Variants in MICAL2 observed in about 807,000 individuals in gnomAD.
MICAL2 encodes the protein microtubule associated monooxygenase, calponin and LIM domain containing 2.
MICAL2 carries 77 observed loss-of-function variants against 127.3 expected under a neutral mutation model. That is an observed-to-expected ratio of 0.60 (90% CI 0.50 to 0.73). MICAL2 has a LOEUF of 0.73. Ranked by LOEUF, MICAL2 falls within the 30% of genes least tolerant of loss-of-function variation. The pLI, the probability that MICAL2 is intolerant of heterozygous loss-of-function variation, is 0.00. For missense variants in MICAL2, 1,351 were observed against 1,434.4 expected, an observed-to-expected ratio of 0.94 and a Z score of 0.94; for synonymous variants, 570 against 551.1, an observed-to-expected ratio of 1.03 and a Z score of -0.48.
At position 12,307,429 on chromosome 11, in the gene MICAL2, C is replaced by T. The variant is rs188704400; in HGVS notation, c.5213-12267C>T. Among the ~76,000 whole-genome samples, 24 of 152,236 alleles carry T rather than the reference C, an allele frequency of 1.6e-4. No homozygotes were observed. In the East Asian group the frequency reaches 3.9e-3, roughly 24 times the overall value. ...TTTCAAAGAGCAGAACTTTTTAATA[C>T]GATGAAGTCAAATTTATTGATTTTT... On this transcript the variant is annotated intron_variant, in intron 29 of 34. Transcript: ENST00000646065.
chr11:12,313,090 C>G (rs558373956), intron 29 of MICAL2, among the ~76,000 whole-genome samples: 69 of 136,652 alleles, frequency 5.0e-4, no homozygotes, highest in African/African-American at 1.9e-3. Context: ...ATGGCGTGAA[C>G]CGGAGAGGCG....
intron 8 of MICAL2, among the ~76,000 whole-genome samples, chr11:12,217,474 A>G (rs1353609821): frequency 6.6e-6 from 1 of 152,062 alleles, no homozygotes; most frequent in Non-Finnish European, 1.5e-5. Context: ...GCAGTGTCCC[A>G]CTGCTGACTG....
intron 8 of MICAL2, among the ~76,000 whole-genome samples, chr11:12,216,556 G>A (rs1009702663): frequency 2.6e-5 from 4 of 152,188 alleles, no homozygotes; most frequent in Admixed American, 2.6e-4. Context: ...ACCTTTACCA[G>A]GTGTTAATGT....
At chr11:12,265,587 CAAA>C (rs1383924865), downstream of MICAL2, among the ~76,000 whole-genome samples, 3 of 151,976 alleles carry the variant, frequency 2.0e-5, no homozygotes, top group Non-Finnish European at 4.4e-5. Flanking sequence ...AATGTAATAA[CAAA>C]GAAGTTCATT....
chr11:12,226,086 G>A, intron 13 of MICAL2, 85 bp from the exon 14 acceptor site: 1 of 1,331,882 alleles, frequency 7.5e-7, no homozygotes, highest in Non-Finnish European at 1.1e-6. Context: ...GTCACCCTCA[G>A]TGCTCCTTAC....
At chr11:12,121,640 G>A (rs1850517803) in intron 1 of MICAL2, 1 of 152,324 alleles carries the variant, frequency 6.6e-6, no homozygotes, top group Admixed American at 6.5e-5. Flanking sequence ...GGCCTGGACA[G>A]GTGGAGCAGG....
At position 12,249,232 on chromosome 11, in the gene MICAL2, A is replaced by G. The variant is rs1861202607; in HGVS notation, c.2833A>G (p.Thr945Ala). The G allele has an allele frequency of 6.3e-7, 1 of 1,595,774 alleles. No individual in the cohort carries two copies. The highest frequency in any genetic ancestry group is 1.3e-5 in the African/African-American group (1 of 74,494). Reference protein sequence around the residue: ...GFHFHPSHLRTVHPQLTVGKV... With the variant: ...GFHFHPSHLRAVHPQLTVGKV... Reference sequence around the variant, plus strand: ...CCATTTTCATCCCAGCCATTTGAGAACAGTGCATCCTCAGGTGAGTTAGAG... The same window carrying G: ...CCATTTTCATCCCAGCCATTTGAGAGCAGTGCATCCTCAGGTGAGTTAGAG... The change falls in exon 22 of 28, where the codon ACA becomes GCA. Residue 945 changes from threonine (T) to alanine (A), a missense_variant. Thr to Ala is a moderately conservative substitution (Grantham distance 58, BLOSUM62 0). Around this residue, in one of 2 missense-constraint regions of MICAL2, gnomAD observed 752 missense variants for 719.4 expected, o/e 1.05. Coordinates refer to ENST00000683283, the MANE Select transcript of MICAL2 (RefSeq NM_001282663.2).
intron 32 of MICAL2, among the ~76,000 whole-genome samples, chr11:12,337,585 G>A (rs1214975537): frequency 2.0e-5 from 3 of 151,706 alleles, no homozygotes; most frequent in African/African-American, 7.3e-5. Context: ...TCTCTTTTGG[G>A]CATTTAGTGC....
intron 2 of MICAL2, among the ~76,000 whole-genome samples, chr11:12,143,639 G>A (rs751017788): frequency 2.0e-5 from 3 of 152,190 alleles, no homozygotes; most frequent in Non-Finnish European, 4.4e-5. Context: ...TATTTAAAAT[G>A]TCTCAGATTC....
downstream of MICAL2, among the ~76,000 whole-genome samples, chr11:12,288,822 T>A (rs78791880): frequency 0.017 from 2,661 of 152,272 alleles, 60 homozygotes; most frequent in African/African-American, 0.06. Context: ...TTGCAAAACC[T>A]CCAAGTTCTG....
chr11:12,277,241 G>C (rs1316728709), intron 1 of MICAL2, among the ~76,000 whole-genome samples: 2 of 152,010 alleles, frequency 1.3e-5, no homozygotes, highest in African/African-American at 4.8e-5. Context: ...TGGCAGTCCA[G>C]GCTTGTTAAG....
chr11:12,222,891 C>A, intron 11 of MICAL2, 148 bp downstream of exon 11: 1 of 1,021,698 alleles, frequency 9.8e-7, no homozygotes, highest in East Asian at 2.6e-5. Flanking sequence ...CAGTTCTTCT[C>A]CCCACTCGAG....
At chr11:12,227,529 C>G (rs1439249037) in intron 15 of MICAL2, among the ~76,000 whole-genome samples, 1 of 152,198 alleles carries the variant, frequency 6.6e-6, no homozygotes, top group Non-Finnish European at 1.5e-5. Context: ...GCTCTGTTTA[C>G]ACATCTGTTC....
intron 2 of MICAL2, among the ~76,000 whole-genome samples, chr11:12,158,646 C>T (rs920204230): frequency 3.9e-5 from 6 of 152,046 alleles, no homozygotes; most frequent in African/African-American, 7.3e-5. Flanking sequence ...TTAAAGTATA[C>T]GAGAGAATGT....
intron 12 of MICAL2, chr11:12,224,421 T>C (rs761212469): frequency 1.5e-5 from 7 of 480,178 alleles, no homozygotes; most frequent in Admixed American, 3.3e-5. Flanking sequence ...TGGCAGGGCC[T>C]AAACACAGTA....
intron 1 of MICAL2, among the ~76,000 whole-genome samples, chr11:12,280,530 G>A (rs555360303): frequency 6.6e-6 from 1 of 152,324 alleles, no homozygotes; most frequent in African/African-American, 2.4e-5. Flanking sequence ...GGAAGGATCT[G>A]TTCCAGGCCT....
Position 12,226,146 on chromosome 11 carries a change from T to G in MICAL2, c.1689-25T>G, listed in dbSNP as rs1430870513. 1.9e-6 allele frequency: 3 copies of G among 1,613,050 alleles called. No individual in the cohort carries two copies. The African/African-American group carries it at 4.0e-5, about 22-fold the overall frequency. On this transcript the variant is annotated intron_variant, in intron 13 of 27. Coordinates refer to ENST00000683283, the MANE Select transcript of MICAL2 (RefSeq NM_001282663.2). ...CACCTCTGCCTCCTCTCCCTGAATTTCTCTGCTTTGTTTTGATTCTCTAGC... is the reference window on the plus strand; with the variant it reads ...CACCTCTGCCTCCTCTCCCTGAATTGCTCTGCTTTGTTTTGATTCTCTAGC...
At chr11:12,261,303 G>A (rs1863081442) in intron 26 of MICAL2, 1 of 985,552 alleles carries the variant, frequency 1.0e-6, no homozygotes, top group Admixed American at 6.1e-5. Context: ...TGACCTCCAG[G>A]GGAAGCTCTA....
rs926389147 is a variant in MICAL2, at chr11:12,224,780, G to T, written c.1648G>T (p.Ala550Ser). Residue 550 changes from alanine to serine, a missense_variant, in exon 13 of 28, where the codon GCC becomes TCC. This residue lies in a region of MICAL2 where 599 missense variants were observed against 714.9 expected (regional missense o/e 0.84). Coordinates refer to ENST00000683283, the MANE Select transcript of MICAL2 (RefSeq NM_001282663.2). ...DLTTSWRSGL[A>S]LCAIIHRFRP... ...GACCACATCCTGGCGCAGTGGGTTGGCCCTGTGTGCCATCATCCACCGCTT... is the reference window on the plus strand; with the variant it reads ...GACCACATCCTGGCGCAGTGGGTTGTCCCTGTGTGCCATCATCCACCGCTT... 2 of 1,613,960 alleles carry T rather than the reference G, an allele frequency of 1.2e-6. No homozygotes were observed. Among genetic ancestry groups the T allele is most frequent in the Admixed American group, 1.7e-5 (1 of 60,000 alleles).
Sources: gnomAD v4.1 joint callset for allele counts (sites outside exome capture counted in the v4.1 genomes callset) on GRCh38, gnomAD v4.1.1 for gene constraint, gnomAD v4.1.1 regional missense constraint, MANE v1.5 for transcripts, NCBI Gene and HGNC (gene_info 2026-07-23, HGNC 2026-07-21) for gene names.